Variants in ATXN8OS observed in about 807,000 individuals in gnomAD.
ATXN8OS encodes ATXN8 opposite strand lncRNA.
intron 3 of ATXN8OS, among the ~76,000 whole-genome samples, chr13:70,143,100 T>C (rs1326831152): frequency 6.6e-6 from 1 of 150,656 alleles, no homozygotes; most frequent in Non-Finnish European, 1.5e-5. Context: ...GTACATGACA[T>C]TTACAAATAC....
At chr13:70,120,724 T>C (rs886822011) in intron 2 of ATXN8OS, among the ~76,000 whole-genome samples, 4 of 152,240 alleles carry the variant, frequency 2.6e-5, no homozygotes, top group African/African-American at 9.6e-5. Context: ...ATATACACCA[T>C]GGAATACTAT....
intron 4 of ATXN8OS, among the ~76,000 whole-genome samples, chr13:70,165,321 G>A (rs1039927047): frequency 2.2e-4 from 33 of 151,714 alleles, no homozygotes; most frequent in African/African-American, 8.0e-4. Context: ...AAATAGTGAT[G>A]AAAATGAAAG....
rs189861843 is a variant in ATXN8OS at position 70,170,046 on chromosome 13, C to T, written n.867C>T. 5.9e-5 allele frequency among the ~76,000 whole-genome samples: 9 copies of T among 152,202 alleles called. No individual in the cohort carries two copies. The East Asian group carries it at 1.2e-3, about 20-fold the overall frequency. On this transcript the variant is annotated non_coding_transcript_exon_variant, in exon 5 of 5. Transcript: ENST00000678624. Reference sequence around the variant, plus strand: ...TGGCTAAAACTGTGGTTGTGAACAGCGAGAGAAAGCATCGACTACACTCAC... The same window carrying T: ...TGGCTAAAACTGTGGTTGTGAACAGTGAGAGAAAGCATCGACTACACTCAC...
In ATXN8OS at chr13:70,150,803, G is replaced by C. The variant is rs565219160; in HGVS notation, n.573+3375G>C. 3.3e-4 allele frequency among the ~76,000 whole-genome samples: 50 copies of C among 152,150 alleles called. No homozygotes were observed. In the South Asian group the frequency reaches 9.5e-3, roughly 29 times the overall value. On this transcript the variant is annotated intron_variant and non_coding_transcript_variant, in intron 4 of 4. Coordinates refer to ENST00000678624, the Ensembl canonical transcript of ATXN8OS. ...ACACTACATTGCACACTATTCACCT[G>C]GGTGCAAAGCCATGCTTCACTACCA...
chr13:70,135,379 G>A (rs971852028), intron 3 of ATXN8OS, among the ~76,000 whole-genome samples: 1 of 151,914 alleles, frequency 6.6e-6, no homozygotes, highest in Non-Finnish European at 1.5e-5. Context: ...CATGGTTACT[G>A]TTCTCATTAA....
intron 3 of ATXN8OS, among the ~76,000 whole-genome samples, chr13:70,130,186 C>T (rs879274067): frequency 1.3e-5 from 2 of 152,088 alleles, no homozygotes; most frequent in Admixed American, 6.6e-5. Context: ...ACATATGTTG[C>T]GATACACTAA....
At chr13:70,155,076 C>A (rs629822) in intron 4 of ATXN8OS, among the ~76,000 whole-genome samples, 116,395 of 152,052 alleles carry the variant, frequency 0.77, 45,273 homozygotes, top group Middle Eastern at 0.86. Flanking sequence ...TTTTGGACAT[C>A]AGTCAGCTGG....
chr13:70,118,835 CT>C (rs58934253), intron 2 of ATXN8OS, among the ~76,000 whole-genome samples: 101,955 of 144,964 alleles, frequency 0.7, 35,946 homozygotes, highest in South Asian at 0.84. Context: ...CAGATATATA[CT>C]TTTTTTTTTT....
At chr13:70,162,594 A>T (rs1889022757) in intron 4 of ATXN8OS, among the ~76,000 whole-genome samples, 1 of 152,068 alleles carries the variant, frequency 6.6e-6, no homozygotes, top group Non-Finnish European at 1.5e-5. Flanking sequence ...ATTCGTTCAT[A>T]CTCACAGAAC....
intron 3 of ATXN8OS, among the ~76,000 whole-genome samples, chr13:70,138,850 TTAAA>T (rs1463217271): frequency 6.6e-6 from 1 of 152,074 alleles, no homozygotes; most frequent in Non-Finnish European, 1.5e-5. Context: ...CATTAATAAT[TTAAA>T]TAATTTATAC....
At chr13:70,138,346 C>T (rs1186300748) in intron 3 of ATXN8OS, among the ~76,000 whole-genome samples, 1 of 151,488 alleles carries the variant, frequency 6.6e-6, no homozygotes, top group Non-Finnish European at 1.5e-5. Flanking sequence ...AGTTAACTTT[C>T]ATTACCAAGC....
At chr13:70,135,484 A>G (rs1334169361) in intron 3 of ATXN8OS, among the ~76,000 whole-genome samples, 1 of 151,482 alleles carries the variant, frequency 6.6e-6, no homozygotes, top group Admixed American at 6.6e-5. Flanking sequence ...GTCTATTCCT[A>G]TGGTATACTT....
intron 4 of ATXN8OS, among the ~76,000 whole-genome samples, chr13:70,149,198 C>A (rs542745103): frequency 2.0e-5 from 3 of 151,972 alleles, no homozygotes; most frequent in Non-Finnish European, 4.4e-5. Context: ...TATTGAAGAA[C>A]GAGAACGACT....
chr13:70,162,176 A>G (rs1412398602), intron 4 of ATXN8OS, among the ~76,000 whole-genome samples: 1 of 152,098 alleles, frequency 6.6e-6, no homozygotes, highest in Non-Finnish European at 1.5e-5. Flanking sequence ...CTAGCCTGAC[A>G]TTTGAAGACG....
intron 4 of ATXN8OS, among the ~76,000 whole-genome samples, chr13:70,167,271 A>C (rs578001556): frequency 6.6e-6 from 1 of 152,086 alleles, no homozygotes; most frequent in East Asian, 1.9e-4. Flanking sequence ...CAAATGTCTA[A>C]CAATGATACA....
chr13:70,157,640 T>A (rs1888954588), intron 4 of ATXN8OS, among the ~76,000 whole-genome samples: 1 of 152,136 alleles, frequency 6.6e-6, no homozygotes, highest in Admixed American at 6.6e-5. Flanking sequence ...CATTCTCTCT[T>A]ATTGAACGCA....
chr13:70,131,615 C>T (rs9564656), intron 3 of ATXN8OS: 341,646 of 396,858 alleles, frequency 0.86, 147,473 homozygotes, highest in East Asian at 1. Flanking sequence ...AGTTCATTCT[C>T]CTCCGTGTTT....
chr13:70,107,859 G>T, exon 1 of ATXN8OS: 1 of 593,094 alleles, frequency 1.7e-6, no homozygotes, highest in East Asian at 3.0e-5. Context: ...GCTCTGCCAG[G>T]CGAAGGCTGG....
intron 4 of ATXN8OS, among the ~76,000 whole-genome samples, chr13:70,155,109 T>C (rs552912168): frequency 1.3e-5 from 2 of 152,326 alleles, no homozygotes; most frequent in South Asian, 2.1e-4. Flanking sequence ...TCAATAAAGA[T>C]TCTCCTGTTT....
Sources: allele counts gnomAD v4.1 joint callset (sites outside exome capture counted in the v4.1 genomes callset), GRCh38; gene constraint gnomAD v4.1.1; transcripts MANE v1.5; gene names NCBI Gene and HGNC (gene_info 2026-07-23, HGNC 2026-07-21).